The following DOCK4 variants were observed in gnomAD, a reference collection of about 807,000 sequenced individuals.
DOCK4 encodes dedicator of cytokinesis protein 4.
Under a neutral mutation model 268.1 loss-of-function variants are expected in DOCK4, and 97 were observed. The observed-to-expected ratio is 0.36, with a 90% confidence interval of 0.31 to 0.43. The LOEUF is 0.43. DOCK4 is among the 20% of genes least tolerant of loss of function. The pLI is 1.00. For missense variants in DOCK4, 2,145 were observed against 2,455.7 expected, an observed-to-expected ratio of 0.87 and a Z score of 2.67; for synonymous variants, 954 against 887.2, an observed-to-expected ratio of 1.08 and a Z score of -1.34.
chr7:112,195,725 CA>C (rs375186007), intron 1 of DOCK4, among the ~76,000 whole-genome samples: 261 of 151,916 alleles, frequency 1.7e-3, no homozygotes, highest in African/African-American at 5.8e-3. Flanking sequence ...GACATAGAAC[CA>C]AATCTCCACG....
intron 8 of DOCK4, among the ~76,000 whole-genome samples, chr7:111,976,250 A>G (rs1798179809): frequency 9.6e-6 from 1 of 104,594 alleles, no homozygotes; most frequent in Non-Finnish European, 2.0e-5. Flanking sequence ...ATGTGTATAT[A>G]TATGTGTATG....
chr7:112,020,977 T>C (rs936608748), intron 1 of DOCK4, among the ~76,000 whole-genome samples: 3 of 152,148 alleles, frequency 2.0e-5, no homozygotes, highest in Non-Finnish European at 4.4e-5. Context: ...CTCCCCAGAG[T>C]TCTGAAGGGT....
intron 1 of DOCK4, among the ~76,000 whole-genome samples, chr7:112,075,298 C>T (rs945171065): frequency 1.3e-5 from 2 of 152,104 alleles, no homozygotes; most frequent in African/African-American, 4.8e-5. Flanking sequence ...AGAGGCAAGA[C>T]TGGAGGAGGG....
At position 111,860,779 on chromosome 7, in the gene DOCK4, C is replaced by T. The variant is rs936252063; in HGVS notation, c.2473+2593G>A. ...ATCAATTCCCACGGGACCCAACATT[C>T]TTTATCCCGCATCACAGCAGGTTCT... On this transcript the variant is annotated intron_variant, in intron 23 of 52. Coordinates refer to ENST00000428084, the MANE Select transcript of DOCK4 (RefSeq NM_001363540.2). Among the ~76,000 whole-genome samples, 6 of 151,838 alleles carry T rather than the reference C, an allele frequency of 4.0e-5. No individual in the cohort carries two copies. In the Middle Eastern group the frequency reaches 0.014, roughly 344 times the overall value.
chr7:112,144,852 C>T (rs1815297109), intron 1 of DOCK4, among the ~76,000 whole-genome samples: 1 of 152,190 alleles, frequency 6.6e-6, no homozygotes, highest in Admixed American at 6.5e-5. Flanking sequence ...CCTACCAGGA[C>T]TACTGACGCA....
At chr7:111,846,909 T>G (rs1804152606) in intron 24 of DOCK4, 90 bp downstream of exon 24, 68 of 1,412,216 alleles carry the variant, frequency 4.8e-5, no homozygotes, top group Non-Finnish European at 6.4e-5. Flanking sequence ...AGAGGCTTCC[T>G]CTTTAGTGCG....
At chr7:111,796,117 G>A (rs1310996123) in intron 30 of DOCK4, among the ~76,000 whole-genome samples, 1 of 152,104 alleles carries the variant, frequency 6.6e-6, no homozygotes, top group Non-Finnish European at 1.5e-5. Context: ...CCCATTCTTG[G>A]GAATGGGTGC....
In DOCK4 at chr7:111,895,733, T is replaced by A. The variant is rs200128809; in HGVS notation, c.1481-15A>T. On this transcript the variant is annotated splice_polypyrimidine_tract_variant and intron_variant, in intron 15 of 52. Coordinates refer to ENST00000428084, the MANE Select transcript of DOCK4 (RefSeq NM_001363540.2). Reference sequence around the variant, plus strand: ...TTTCTCCTTTGCTGTAAAAAACAAATTACTTGCTTATTTAAGTGTATCTAT... The same window carrying A: ...TTTCTCCTTTGCTGTAAAAAACAAAATACTTGCTTATTTAAGTGTATCTAT... 3.2e-5 allele frequency: 52 copies of A among 1,608,674 alleles called. No individual in the cohort carries two copies. The highest frequency in any genetic ancestry group is 4.3e-5 in the Non-Finnish European group (50 of 1,175,436).
In DOCK4 at chr7:111,823,828, C is replaced by T. The variant is rs192711978; in HGVS notation, c.2836-1372G>A. On this transcript the variant is annotated intron_variant, in intron 26 of 52. Coordinates refer to ENST00000428084, the MANE Select transcript of DOCK4 (RefSeq NM_001363540.2). ...ATTTATCAAATACAATGACACATTA[C>T]GTTAAACATGTAAGCTGCTTGAATG... Among the ~76,000 whole-genome samples, 600 of 152,252 alleles carry T rather than the reference C, an allele frequency of 3.9e-3. 7 individuals are homozygous for T. Among genetic ancestry groups the T allele is most frequent in the Non-Finnish European group, 4.4e-3 (296 of 68,014 alleles).
At chr7:112,121,097 C>T (rs1292720585) in intron 1 of DOCK4, among the ~76,000 whole-genome samples, 1 of 152,154 alleles carries the variant, frequency 6.6e-6, no homozygotes, top group African/African-American at 2.4e-5. Context: ...ATGCCAGACA[C>T]AGTGCTAGAT....
At chr7:111,936,485 A>AATGGATGGATGGATGG (rs56276228) in intron 11 of DOCK4, among the ~76,000 whole-genome samples, 2 of 148,052 alleles carry the variant, frequency 1.4e-5, no homozygotes, top group Non-Finnish European at 1.5e-5. Flanking sequence ...CAGTGGTATG[A>AATGGATGGATGGATGG]ATGGATGGAT....
At chr7:111,916,856 G>A (rs1792629416) in intron 12 of DOCK4, among the ~76,000 whole-genome samples, 1 of 151,216 alleles carries the variant, frequency 6.6e-6, no homozygotes, top group Non-Finnish European at 1.5e-5. Context: ...GTGGTATTTG[G>A]TTACATGAGT....
At chr7:111,813,363 G>A (rs924110078) in intron 27 of DOCK4, among the ~76,000 whole-genome samples, 12 of 148,822 alleles carry the variant, frequency 8.1e-5, no homozygotes, top group Non-Finnish European at 1.5e-4. Context: ...TATAGACTTT[G>A]AAAGACATAA....
intron 8 of DOCK4, among the ~76,000 whole-genome samples, chr7:111,963,125 A>C (rs1030215924): frequency 6.6e-6 from 1 of 152,192 alleles, no homozygotes; most frequent in African/African-American, 2.4e-5. Context: ...AAGTAATGAA[A>C]AGTTATAAGG....
chr7:111,831,152 T>G (rs1305164791), intron 26 of DOCK4, among the ~76,000 whole-genome samples: 3 of 152,048 alleles, frequency 2.0e-5, no homozygotes, highest in Admixed American at 2.0e-4. Flanking sequence ...GTGACCAAAC[T>G]CAGGCTGAAA....
At chr7:112,061,088 A>G (rs1188453247) in intron 1 of DOCK4, among the ~76,000 whole-genome samples, 1 of 152,152 alleles carries the variant, frequency 6.6e-6, no homozygotes, top group Admixed American at 6.5e-5. Context: ...ATATTTGCAA[A>G]TATAAAAGGG....
intron 20 of DOCK4, among the ~76,000 whole-genome samples, chr7:111,870,135 A>G (rs1372023006): frequency 1.3e-5 from 2 of 152,022 alleles, no homozygotes; most frequent in Non-Finnish European, 2.9e-5. Flanking sequence ...TATCAAGCCA[A>G]TTTTCTGACC....
intron 1 of DOCK4, among the ~76,000 whole-genome samples, chr7:112,168,341 G>C (rs145397837): frequency 6.6e-6 from 1 of 152,154 alleles, no homozygotes; most frequent in South Asian, 2.1e-4. Context: ...TGGACATGCT[G>C]TTTGGAGCTA....
intron 1 of DOCK4, among the ~76,000 whole-genome samples, chr7:112,200,093 A>G (rs1001261289): frequency 6.6e-6 from 1 of 152,188 alleles, no homozygotes. Context: ...CTTCACAGAA[A>G]CCCAGTAAGA....
Sources: gnomAD v4.1 joint callset for allele counts (sites outside exome capture counted in the v4.1 genomes callset) on GRCh38, gnomAD v4.1.1 for gene constraint, MANE v1.5 for transcripts, NCBI Gene and HGNC (gene_info 2026-07-23, HGNC 2026-07-21) for gene names.